Variants in COP1 observed in about 807,000 individuals in gnomAD.
The protein encoded by COP1 is E3 ubiquitin-protein ligase COP1.
In COP1, 24 loss-of-function variants were observed where a neutral mutation model predicts 101.3. The observed-to-expected ratio is 0.24, with a 90% CI of 0.17 to 0.33. The LOEUF (loss-of-function observed/expected upper bound fraction) is 0.33. Ranked by LOEUF, COP1 falls within the 10% of genes least tolerant of loss-of-function variation. The pLI is 1.00. For synonymous variants in COP1, 347 were observed against 341.9 expected (o/e 1.01, Z -0.17); for missense variants, 663 against 906.2 (o/e 0.73, Z 3.45).
At chr1:176,150,597 A>C (rs1692264265) in intron 5 of COP1, among the ~76,000 whole-genome samples, 1 of 152,238 alleles carries the variant, frequency 6.6e-6, no homozygotes, top group Admixed American at 6.5e-5. Flanking sequence ...CTAGAGGACA[A>C]AGACCACATG....
At chr1:175,970,685 T>C (rs1410552538) in intron 18 of COP1, among the ~76,000 whole-genome samples, 5 of 152,180 alleles carry the variant, frequency 3.3e-5, no homozygotes, top group African/African-American at 9.7e-5. Context: ...AAGGATCATA[T>C]TTAATAGTAA....
At chr1:175,973,112 G>A (rs1653681007) in intron 18 of COP1, among the ~76,000 whole-genome samples, 1 of 152,170 alleles carries the variant, frequency 6.6e-6, no homozygotes, top group South Asian at 2.1e-4. Context: ...GATTACAGGC[G>A]TGAACCACCC....
At position 176,184,808 on chromosome 1, in the gene COP1, T is replaced by A. The variant is rs921708291; in HGVS notation, c.408-116A>T. 9 of 652,290 alleles carry A rather than the reference T, an allele frequency of 1.4e-5. No homozygotes were observed. The Admixed American group carries it at 2.3e-4, about 16-fold the overall frequency. The allele number at this position is 652,290 out of a possible 1,614,324, so 40.4% of individuals were successfully genotyped here. A position where few individuals can be genotyped will look rare whatever the true frequency, so the allele number is the denominator to read the frequency against. On this transcript the variant is annotated intron_variant, in intron 1 of 19. Coordinates refer to ENST00000367669, the MANE Select transcript of COP1 (RefSeq NM_022457.7). ...TTTCAATATACAGTTTAGAGCTAAG[T>A]CTATAAACATTCTATCAATAAGAGA...
chr1:176,159,331 T>C (rs1373394358), intron 5 of COP1, among the ~76,000 whole-genome samples: 2 of 152,088 alleles, frequency 1.3e-5, no homozygotes, highest in African/African-American at 4.8e-5. Flanking sequence ...ATTACAGAAA[T>C]GTATTTTTAA....
intron 11 of COP1, among the ~76,000 whole-genome samples, chr1:176,069,497 G>A (rs538585856): frequency 2.0e-5 from 3 of 151,818 alleles, no homozygotes; most frequent in Non-Finnish European, 4.4e-5. Flanking sequence ...TCCTCCAATC[G>A]AGTATTCCTC....
chr1:176,194,412 G>C (rs2102183659), intron 1 of COP1, among the ~76,000 whole-genome samples: 1 of 152,248 alleles, frequency 6.6e-6, no homozygotes, highest in East Asian at 1.9e-4. Context: ...GGCCGAGGCA[G>C]GCGGATCACA....
chr1:176,160,821 T>G (rs1053706469), intron 5 of COP1, among the ~76,000 whole-genome samples: 2 of 152,124 alleles, frequency 1.3e-5, no homozygotes, highest in Non-Finnish European at 2.9e-5. Context: ...ACATACATCT[T>G]TAAGTGTGCC....
Position 176,206,705 on chromosome 1 carries a change from C to T in COP1, c.274G>A (p.Ala92Thr), listed in dbSNP as rs1434695412. The T allele has an allele frequency of 1.2e-6, 2 of 1,600,648 alleles. No homozygotes were observed. The highest frequency in any genetic ancestry group is 1.1e-5 in the South Asian group (1 of 90,816). Residue 92 changes from alanine (A) to threonine (T), a missense_variant, in exon 1 of 20, where the codon GCG becomes ACG. Physicochemically the swap from Ala to Thr is moderately conservative, Grantham distance 58. Transcript: ENST00000367669. ...CCTACGCCGGCGCTGGGCCTGGCCG[C>T]GCAGCTGTGCCGGGACAGGCCCGTG... is the stretch of plus-strand genomic sequence containing the variant. ...VSTGLSRHSCAARPSAGVGGS... is the reference protein window; with the variant it reads ...VSTGLSRHSCTARPSAGVGGS...
intron 18 of COP1, among the ~76,000 whole-genome samples, chr1:175,978,010 TC>T (rs1654978216): frequency 6.6e-6 from 1 of 152,096 alleles, no homozygotes; most frequent in Non-Finnish European, 1.5e-5. Flanking sequence ...TCAAATCCCT[TC>T]CCATCTCAAA....
intron 15 of COP1, among the ~76,000 whole-genome samples, chr1:176,009,373 G>A (rs1664184184): frequency 6.6e-6 from 1 of 152,102 alleles, no homozygotes; most frequent in Non-Finnish European, 1.5e-5. Flanking sequence ...CATAAGATGA[G>A]AATAATTTGG....
intron 15 of COP1, among the ~76,000 whole-genome samples, chr1:175,993,802 C>A (rs369196629): frequency 6.6e-6 from 1 of 152,090 alleles, no homozygotes; most frequent in Non-Finnish European, 1.5e-5. Flanking sequence ...AGAATGGAAC[C>A]AAGTTGGAAA....
intron 15 of COP1, among the ~76,000 whole-genome samples, chr1:175,993,587 C>G (rs1002215317): frequency 6.6e-6 from 1 of 151,846 alleles, no homozygotes; most frequent in South Asian, 2.1e-4. Flanking sequence ...TCGAGAACTA[C>G]GTGAAGAATG....
At chr1:176,091,635 C>T (rs1367783306) in intron 9 of COP1, among the ~76,000 whole-genome samples, 3 of 151,884 alleles carry the variant, frequency 2.0e-5, no homozygotes, top group African/African-American at 7.3e-5. Flanking sequence ...AGATACTCTG[C>T]TTAGATGATA....
intron 11 of COP1, among the ~76,000 whole-genome samples, chr1:176,064,128 T>C (rs1675476537): frequency 6.6e-6 from 1 of 152,166 alleles, no homozygotes; most frequent in Admixed American, 6.5e-5. Context: ...TGGGTCAAAT[T>C]TGGCCCATGG....
intron 11 of COP1, among the ~76,000 whole-genome samples, chr1:176,062,217 T>C (rs1674990146): frequency 6.6e-6 from 1 of 152,138 alleles, no homozygotes; most frequent in South Asian, 2.1e-4. Flanking sequence ...TTAGCCAGGA[T>C]GGTCTCGATC....
At chr1:176,001,681 A>T (rs572844482) in intron 15 of COP1, among the ~76,000 whole-genome samples, 1 of 152,154 alleles carries the variant, frequency 6.6e-6, no homozygotes, top group Non-Finnish European at 1.5e-5. Context: ...CGATATGATT[A>T]TCTTAACCAG....
intron 11 of COP1, among the ~76,000 whole-genome samples, chr1:176,052,637 A>T (rs992841602): frequency 6.6e-6 from 1 of 152,152 alleles, no homozygotes; most frequent in Non-Finnish European, 1.5e-5. Flanking sequence ...TATGTAGGCA[A>T]TGGTTCAAAA....
Position 176,162,923 on chromosome 1 carries a change from G to T in COP1, c.708C>A (p.Ala236=). Reference sequence around the variant, plus strand: ...GTAACTCCAACATAAGATTGACATTGGCCAAATCAAGGTTATCTTGGTCAG... The same window carrying T: ...GTAACTCCAACATAAGATTGACATTTGCCAAATCAAGGTTATCTTGGTCAG... ...LGTDQDNLDL[A]NVNLMLELLV... is the part of the protein sequence containing the mutation. The change falls in exon 5 of 20, where the codon GCC becomes GCA. Residue 236 remains alanine (A), a synonymous_variant. Transcript: ENST00000367669. 1 of 1,607,648 alleles carries T rather than the reference G, an allele frequency of 6.2e-7. No individual in the cohort carries two copies. Among genetic ancestry groups the T allele is most frequent in the East Asian group, 2.2e-5 (1 of 44,612 alleles).
chr1:175,971,821 T>G (rs1282661623), intron 18 of COP1, among the ~76,000 whole-genome samples: 1 of 152,216 alleles, frequency 6.6e-6, no homozygotes, highest in African/African-American at 2.4e-5. Flanking sequence ...AGGAGACTGA[T>G]GAGAACCCTG....
Sources: gnomAD v4.1 joint callset for allele counts (sites outside exome capture counted in the v4.1 genomes callset) on GRCh38, gnomAD v4.1.1 for gene constraint, MANE v1.5 for transcripts, NCBI Gene and HGNC (gene_info 2026-07-23, HGNC 2026-07-21) for gene names.